The following GALNT13 variants were observed in gnomAD, a reference collection of about 807,000 sequenced individuals.
GALNT13 encodes the protein polypeptide N-acetylgalactosaminyltransferase 13.
A neutral mutation model predicts 64.2 loss-of-function variants in GALNT13; 28 were observed. That is an observed-to-expected ratio of 0.44 (90% CI 0.32 to 0.60). GALNT13 has a LOEUF of 0.60. Ranked by LOEUF, GALNT13 falls within the 20% of genes least tolerant of loss-of-function variation. The pLI is 0.05. For missense variants in GALNT13, 577 were observed against 669.8 expected, an observed-to-expected ratio of 0.86 and a Z score of 1.53; for synonymous variants, 214 against 224.6, an observed-to-expected ratio of 0.95 and a Z score of 0.42.
At chr2:153,325,245 A>ATAAATGTGT in the GALNT13 span, among the ~76,000 whole-genome samples, 1 of 148,106 alleles carries the variant, frequency 6.8e-6, no homozygotes, top group Non-Finnish European at 1.5e-5. Flanking sequence ...TGTGTCCAGG[A>ATAAATGTGT]ATTTATCCAT....
rs1184565059 is a variant in GALNT13, at chr2:154,182,444, A to C, written c.311+41939A>C. ...CTTCAAATGGCTGCTTTTTGTGTAC[A>C]ATAATATTGGTTCTATTTTGTGGTC... On this transcript the variant is annotated intron_variant, in intron 4 of 12. Coordinates refer to ENST00000392825, the MANE Select transcript of GALNT13 (RefSeq NM_052917.4). 2.0e-5 allele frequency among the ~76,000 whole-genome samples: 3 copies of C among 152,050 alleles called. No homozygotes were observed. The East Asian group carries it at 5.8e-4, about 29-fold the overall frequency.
At chr2:153,286,974 A>C in the GALNT13 span, among the ~76,000 whole-genome samples, 8 of 152,240 alleles carry the variant, frequency 5.3e-5, no homozygotes, top group Non-Finnish European at 1.2e-4. Context: ...AACATACAAC[A>C]ATTTAAAAGG....
At chr2:153,143,902 C>T in the GALNT13 span, among the ~76,000 whole-genome samples, 2 of 152,060 alleles carry the variant, frequency 1.3e-5, no homozygotes, top group African/African-American at 4.8e-5. Flanking sequence ...CTGCCCTCAG[C>T]GTATCTTTAA....
the GALNT13 span, among the ~76,000 whole-genome samples, chr2:153,326,587 T>C: frequency 6.6e-6 from 1 of 152,330 alleles, no homozygotes; most frequent in East Asian, 1.9e-4. Flanking sequence ...GTGTCGATGG[T>C]CTTTACATTT....
At chr2:154,288,951 CTGTG>C (rs752707683) in intron 8 of GALNT13, among the ~76,000 whole-genome samples, 1 of 152,224 alleles carries the variant, frequency 6.6e-6, no homozygotes, top group Non-Finnish European at 1.5e-5. Context: ...AGGGGGGACT[CTGTG>C]TGGGGGCTTG....
intron 3 of GALNT13, among the ~76,000 whole-genome samples, chr2:154,129,465 A>C (rs1682487165): frequency 6.6e-6 from 1 of 152,120 alleles, no homozygotes; most frequent in African/African-American, 2.4e-5. Flanking sequence ...CCTATATAAC[A>C]ATCAATGCAA....
chr2:153,938,098 A>G (rs1249415146), intron 2 of GALNT13, among the ~76,000 whole-genome samples: 1 of 152,208 alleles, frequency 6.6e-6, no homozygotes, highest in Non-Finnish European at 1.5e-5. Flanking sequence ...GGTAATAATG[A>G]CTTGTTAGAG....
chr2:154,365,450 C>T (rs953999657), intron 9 of GALNT13, among the ~76,000 whole-genome samples: 9 of 152,168 alleles, frequency 5.9e-5, no homozygotes, highest in African/African-American at 2.2e-4. Context: ...TGACCTTATG[C>T]TAGAACTTGC....
chr2:154,441,063 C>T (rs1225116099), intron 12 of GALNT13, among the ~76,000 whole-genome samples: 1 of 152,100 alleles, frequency 6.6e-6, no homozygotes, highest in Non-Finnish European at 1.5e-5. Context: ...CCATGCTAAA[C>T]ACACTGAATC....
intron 2 of GALNT13, among the ~76,000 whole-genome samples, chr2:153,924,083 T>G (rs752089714): frequency 7.9e-5 from 12 of 152,274 alleles, no homozygotes; most frequent in Non-Finnish European, 1.2e-4. Flanking sequence ...CAGGGGTACA[T>G]GTGCAGGATG....
chr2:153,478,999 G>C, the GALNT13 span, among the ~76,000 whole-genome samples: 22 of 152,368 alleles, frequency 1.4e-4, no homozygotes, highest in Non-Finnish European at 2.8e-4. Context: ...GCTTTTTATT[G>C]CTTGCTTCTT....
intron 8 of GALNT13, among the ~76,000 whole-genome samples, chr2:154,280,073 T>TTAGGTTCTTG (rs1691877495): frequency 6.6e-6 from 1 of 152,158 alleles, no homozygotes; most frequent in Non-Finnish European, 1.5e-5. Flanking sequence ...AAATAATGTC[T>TTAGGTTCTTG]TAGGTTCTTG....
the GALNT13 span, among the ~76,000 whole-genome samples, chr2:153,797,406 T>C: frequency 1.3e-5 from 2 of 152,228 alleles, no homozygotes; most frequent in East Asian, 3.9e-4. Context: ...AAGGCCCTTT[T>C]TGAACTATTC....
chr2:153,145,256 G>A, the GALNT13 span, among the ~76,000 whole-genome samples: 13 of 151,746 alleles, frequency 8.6e-5, no homozygotes, highest in East Asian at 1.9e-4. Context: ...ATATTTGGTC[G>A]TTAGAACAAA....
chr2:153,667,757 G>A, the GALNT13 span, among the ~76,000 whole-genome samples: 581 of 152,212 alleles, frequency 3.8e-3, 1 homozygote, highest in Non-Finnish European at 6.5e-3. Flanking sequence ...CGATGACAAG[G>A]TCAAATCGGC....
chr2:153,341,054 A>G, the GALNT13 span, among the ~76,000 whole-genome samples: 1 of 152,196 alleles, frequency 6.6e-6, no homozygotes, highest in Non-Finnish European at 1.5e-5. Context: ...TGCATGCTAA[A>G]ATTTAAGAAC....
At chr2:154,363,621 A>G (rs1202379243) in intron 9 of GALNT13, among the ~76,000 whole-genome samples, 2 of 152,234 alleles carry the variant, frequency 1.3e-5, no homozygotes, top group Non-Finnish European at 2.9e-5. Context: ...GGTTATGTCT[A>G]TATGCTGAAA....
At chr2:154,107,370 A>G (rs1702677394) in intron 3 of GALNT13, among the ~76,000 whole-genome samples, 1 of 152,060 alleles carries the variant, frequency 6.6e-6, no homozygotes, top group South Asian at 2.1e-4. Context: ...TGAGGTGGGC[A>G]GATCACGAGG....
chr2:153,983,355 C>T (rs187504298), intron 3 of GALNT13, among the ~76,000 whole-genome samples: 11 of 151,826 alleles, frequency 7.2e-5, no homozygotes, highest in Non-Finnish European at 1.5e-4. Flanking sequence ...AAACGTATCT[C>T]AATAGTTTCT....
Sources: allele counts gnomAD v4.1 joint callset (sites outside exome capture counted in the v4.1 genomes callset), GRCh38; gene constraint gnomAD v4.1.1; transcripts MANE v1.5; gene names NCBI Gene and HGNC (gene_info 2026-07-23, HGNC 2026-07-21).